The following FBN2 variants were observed in gnomAD, a reference collection of about 807,000 sequenced individuals.
The protein encoded by FBN2 is fibrillin 2.
FBN2 carries 105 observed loss-of-function variants against 355.6 expected under a neutral mutation model. The observed-to-expected ratio is 0.30, with a 90% CI of 0.25 to 0.35. The LOEUF is 0.35. Among genes scored for constraint, FBN2 ranks in the 10% least tolerant of loss-of-function variants. The pLI is 1.00. For missense variants in FBN2, 3,280 were observed against 3,758.7 expected, an observed-to-expected ratio of 0.87 and a Z score of 3.33; for synonymous variants, 1,350 against 1,301.2, an observed-to-expected ratio of 1.04 and a Z score of -0.81.
intron 36 of FBN2, among the ~76,000 whole-genome samples, chr5:128,316,948 T>C (rs531031606): frequency 6.6e-6 from 1 of 152,122 alleles, no homozygotes; most frequent in South Asian, 2.1e-4. Context: ...CAGCCTGGGT[T>C]GAGAATCACT....
Position 128,366,381 on chromosome 5 carries a change from T to C in FBN2, c.2298A>G (p.Gly766=). ...GTTGAGATTAACTAGAGTTACCTCTTCCATCCACAGTGATACCTACTCCAC... is the reference window on the plus strand; with the variant it reads ...GTTGAGATTAACTAGAGTTACCTCTCCCATCCACAGTGATACCTACTCCAC... ...CSSGVGITVD[G]RDINECALDP... Residue 766 remains glycine, a synonymous_variant, in exon 17 of 65, where the codon GGA becomes GGG. Transcript: ENST00000262464. 1 of 1,585,654 alleles carries C rather than the reference T, an allele frequency of 6.3e-7. No individual in the cohort carries two copies. Among genetic ancestry groups the C allele is most frequent in the Non-Finnish European group, 8.7e-7 (1 of 1,155,880 alleles).
chr5:128,333,055 A>G lies in FBN2; in HGVS notation c.4100-21T>C, dbSNP rs150444306. The G allele has an allele frequency of 2.5e-4, 396 of 1,605,036 alleles. 1 individual carries two copies. The African/African-American group carries it at 3.0e-3, about 12-fold the overall frequency. On this transcript the variant is annotated intron_variant, in intron 31 of 64. Transcript: ENST00000262464. ...CACATCTGATAAACCATAATTCATA[A>G]GAAGAAAATCAAAATACAAACTAAT...
At chr5:128,463,205 G>T (rs1754606095) in intron 6 of FBN2, among the ~76,000 whole-genome samples, 1 of 151,970 alleles carries the variant, frequency 6.6e-6, no homozygotes, top group Admixed American at 6.6e-5. Context: ...ACCATATGGA[G>T]CACAGTAAAG....
chr5:128,264,887 G>T (rs1765080720), intron 62 of FBN2, among the ~76,000 whole-genome samples: 1 of 152,126 alleles, frequency 6.6e-6, no homozygotes, highest in Admixed American at 6.5e-5. Flanking sequence ...TCCCAGACAG[G>T]AATTAAACTT....
chr5:128,311,391 G>A lies in FBN2; in HGVS notation c.4983C>T (p.Cys1661=), dbSNP rs143907156. 5.2e-4 allele frequency: 845 copies of A among 1,613,976 alleles called. No homozygotes were observed. Among genetic ancestry groups the A allele is most frequent in the Non-Finnish European group, 6.7e-4 (788 of 1,179,890 alleles). The part of the protein sequence containing the change: ...IDECQELPGL[C]QGGNCINTFG... ...AAGTGTTGATGCAGTTTCCACCCTGGCAGAGACCTGGTAACTCCTGGCATT... is the reference window on the plus strand; with the variant it reads ...AAGTGTTGATGCAGTTTCCACCCTGACAGAGACCTGGTAACTCCTGGCATT... Residue 1661 remains cysteine (C), a synonymous_variant, in exon 39 of 65, where the codon TGC becomes TGT. Transcript: ENST00000262464.
chr5:128,504,178 C>T (rs1184843581), intron 5 of FBN2, among the ~76,000 whole-genome samples: 1 of 152,108 alleles, frequency 6.6e-6, no homozygotes, highest in Non-Finnish European at 1.5e-5. Context: ...TATGCAAATG[C>T]CTGGATGTCC....
intron 1 of FBN2, 114 bp downstream of exon 1, chr5:128,537,236 G>C (rs1756875664): frequency 6.7e-7 from 1 of 1,494,902 alleles, no homozygotes. Context: ...GGGGGCTGCA[G>C]CTCTAGGCTC....
intron 36 of FBN2, among the ~76,000 whole-genome samples, chr5:128,313,862 A>AC (rs1232221050): frequency 6.6e-6 from 1 of 151,124 alleles, no homozygotes; most frequent in Non-Finnish European, 1.5e-5. Context: ...CAAAAAAAAA[A>AC]AAAAAAAAAA....
intron 7 of FBN2, among the ~76,000 whole-genome samples, chr5:128,422,259 T>G (rs1243188154): frequency 6.6e-6 from 1 of 152,078 alleles, no homozygotes; most frequent in Admixed American, 6.6e-5. Flanking sequence ...AAAAAGAAAC[T>G]AGTATGTTGA....
At chr5:128,287,498 A>G (rs1749188692) in intron 53 of FBN2, 68 bp from the exon 54 acceptor site, 3 of 1,568,668 alleles carry the variant, frequency 1.9e-6, no homozygotes, top group African/African-American at 1.3e-5. Context: ...CTAAATGTTG[A>G]TGTCATTTAC....
At position 128,393,328 on chromosome 5, in the gene FBN2, T is replaced by C. The variant is rs1199999934; in HGVS notation, c.1272A>G (p.Gly424=). The change falls in exon 10 of 65, where the codon GGA becomes GGG. Residue 424 remains glycine (G), a synonymous_variant. Coordinates refer to ENST00000262464, the MANE Select transcript of FBN2 (RefSeq NM_001999.4). The part of the protein sequence containing the change: ...RRLCMDGLPM[G]GIPGSAGSRP... ...TGGAACCAGCACTCCCTGGAATTCC[T>C]CCCATTGGAAGTCCATCCATGCAAA... 3 of 1,614,074 alleles carry C rather than the reference T, an allele frequency of 1.9e-6. No homozygotes were observed. The highest frequency in any genetic ancestry group is 2.2e-5 in the South Asian group (2 of 91,082).
At chr5:128,276,407 AC>A (rs1765395577) in intron 58 of FBN2, among the ~76,000 whole-genome samples, 1 of 152,216 alleles carries the variant, frequency 6.6e-6, no homozygotes, top group African/African-American at 2.4e-5. Context: ...CAAAATTACT[AC>A]ATTCTTTAGA....
At chr5:128,533,067 T>C (rs1251448696) in intron 2 of FBN2, among the ~76,000 whole-genome samples, 1 of 152,154 alleles carries the variant, frequency 6.6e-6, no homozygotes, top group Non-Finnish European at 1.5e-5. Flanking sequence ...AAGTGAATAG[T>C]GTCAAATACT....
At chr5:128,318,780 C>T (rs190927866) in intron 35 of FBN2, 99 bp downstream of exon 35, 21 of 1,252,032 alleles carry the variant, frequency 1.7e-5, no homozygotes, top group South Asian at 1.1e-4. Flanking sequence ...TAACCTAATG[C>T]ATAGATTAGC....
rs372685253 is a variant in FBN2 at position 128,486,111 on chromosome 5, T to C, written c.629-21190A>G. Among the ~76,000 whole-genome samples the C allele has an allele frequency of 1.1e-4, 16 of 152,314 alleles. No individual in the cohort carries two copies. The East Asian group carries it at 2.1e-3, about 20-fold the overall frequency. On this transcript the variant is annotated intron_variant, in intron 5 of 64. Coordinates refer to ENST00000262464, the MANE Select transcript of FBN2 (RefSeq NM_001999.4). ...ATATATAAAAGTATGTTCAGAATGTTGTTATCTGCCCTATAGTTTTTTACC... is the reference window on the plus strand; with the variant it reads ...ATATATAAAAGTATGTTCAGAATGTCGTTATCTGCCCTATAGTTTTTTACC...
intron 11 of FBN2, among the ~76,000 whole-genome samples, chr5:128,381,712 G>T (rs1752239209): frequency 6.6e-6 from 1 of 152,088 alleles, no homozygotes; most frequent in South Asian, 2.1e-4. Flanking sequence ...ACTTTGCAGG[G>T]CTAAATGATG....
chr5:128,463,954 T>C (rs747689025), intron 6 of FBN2, among the ~76,000 whole-genome samples: 20 of 152,226 alleles, frequency 1.3e-4, no homozygotes, highest in Non-Finnish European at 2.9e-4. Context: ...GCAACTGCCA[T>C]TTAAGAAGTC....
In FBN2 at chr5:128,258,805, T is replaced by A. The variant is rs1415489195; in HGVS notation, c.*650A>T. ...GCTTCGATCTACGTTATAAAGGATC[T>A]AATGACATTCATGTTTTTTAAATTA... On this transcript the variant is annotated 3_prime_UTR_variant, in exon 65 of 65. Coordinates refer to ENST00000262464, the MANE Select transcript of FBN2 (RefSeq NM_001999.4). 1 of 153,262 alleles carries A rather than the reference T, an allele frequency of 6.5e-6. No individual in the cohort carries two copies. The highest frequency in any genetic ancestry group is 1.5e-5 in the Non-Finnish European group (1 of 68,506). The allele number at this position is 153,262 out of a possible 1,614,324, so 9.5% of individuals were successfully genotyped here.
chr5:128,469,649 C>G (rs904960423), intron 5 of FBN2, among the ~76,000 whole-genome samples: 1 of 151,830 alleles, frequency 6.6e-6, no homozygotes, highest in Non-Finnish European at 1.5e-5. Flanking sequence ...ATCTCATGAT[C>G]AAGACACAAG....
Sources: allele counts gnomAD v4.1 joint callset (sites outside exome capture counted in the v4.1 genomes callset), GRCh38; gene constraint gnomAD v4.1.1; transcripts MANE v1.5; gene names NCBI Gene and HGNC (gene_info 2026-07-23, HGNC 2026-07-21).